The following ATP2C1 variants were observed in gnomAD, a reference collection of about 807,000 sequenced individuals.
ATP2C1 encodes calcium-transporting ATPase type 2C member 1.
A neutral mutation model predicts 120.5 loss-of-function variants in ATP2C1; 31 were observed. The observed-to-expected ratio is 0.26, with a 90% CI of 0.19 to 0.35. The LOEUF is 0.35. ATP2C1 is among the 10% of genes least tolerant of loss of function. The pLI, the probability that ATP2C1 is intolerant of heterozygous loss-of-function variation, is 1.00. For missense variants in ATP2C1, 731 were observed against 1,107.5 expected (o/e 0.66, Z 4.83); for synonymous variants, 351 against 358.7 (o/e 0.98, Z 0.24).
At chr3:131,006,628 T>C (rs2063123229), downstream of ATP2C1, among the ~76,000 whole-genome samples, 2 of 59,576 alleles carry the variant, frequency 3.4e-5, no homozygotes, top group Admixed American at 1.7e-4. Context: ...AGATTTCTAG[T>C]GTGTGTTTGT....
At chr3:130,878,720 G>T (rs565136725) in intron 1 of ATP2C1, among the ~76,000 whole-genome samples, 1 of 152,154 alleles carries the variant, frequency 6.6e-6, no homozygotes, top group East Asian at 1.9e-4. Flanking sequence ...TTCTCTCCTG[G>T]CCTATAAGGT....
rs568447850 is a variant in ATP2C1 at position 130,853,444 on chromosome 3, C to A, written c.108+2516C>A. Among the ~76,000 whole-genome samples, 5 of 152,290 alleles carry A rather than the reference C, an allele frequency of 3.3e-5. No individual in the cohort carries two copies. The South Asian group carries it at 1.0e-3, about 32-fold the overall frequency. On this transcript the variant is annotated intron_variant, in intron 1 of 26. Coordinates refer to the ATP2C1 transcript ENST00000504381. ...TAAAATCTTCTCCCACCTCACTTAGCGCTGCTAAGTACCAACCATGTTGAC... is the reference window on the plus strand; with the variant it reads ...TAAAATCTTCTCCCACCTCACTTAGAGCTGCTAAGTACCAACCATGTTGAC...
chr3:130,966,627 A>G (rs1314252333), intron 14 of ATP2C1, among the ~76,000 whole-genome samples: 1 of 152,088 alleles, frequency 6.6e-6, no homozygotes, highest in East Asian at 1.9e-4. Flanking sequence ...GACATATGAT[A>G]TAAATACCTG....
At chr3:130,884,362 G>C (rs1255125199) in intron 1 of ATP2C1, among the ~76,000 whole-genome samples, 5 of 152,214 alleles carry the variant, frequency 3.3e-5, no homozygotes, top group African/African-American at 1.2e-4. Flanking sequence ...ATTGTGGTCA[G>C]AGAAGATGCT....
At chr3:131,006,350 G>A (rs1011242490), downstream of ATP2C1, among the ~76,000 whole-genome samples, 25 of 152,158 alleles carry the variant, frequency 1.6e-4, no homozygotes, top group African/African-American at 6.0e-4. Flanking sequence ...GACCTCAGGT[G>A]ATCCATGCGC....
At position 130,894,125 on chromosome 3, in the gene ATP2C1, C is replaced by T; in HGVS notation, c.-393C>T. ...GCGGAGCCGGCCCGGCGGACCGTGACGGGTCCCCTCACCTCCTCTTCTCTC... is the reference window on the plus strand; with the variant it reads ...GCGGAGCCGGCCCGGCGGACCGTGATGGGTCCCCTCACCTCCTCTTCTCTC... On this transcript the variant is annotated 5_prime_UTR_variant, in exon 1 of 28. In the 5' UTR this introduces an upstream ATG that the reference lacks. Coordinates refer to ENST00000510168, the MANE Select transcript of ATP2C1 (RefSeq NM_001378687.1). This position sits in a 1 kb window ranked among gnomAD's most constrained non-coding sequence, Gnocchi z 4.5. 1.0e-6 allele frequency: 1 copy of T among 965,188 alleles called. No individual in the cohort carries two copies. Among genetic ancestry groups the T allele is most frequent in the Non-Finnish European group, 1.2e-6 (1 of 811,580 alleles). The allele number at this position is 965,188 out of a possible 1,614,324, so 59.8% of individuals were successfully genotyped here.
chr3:130,983,741 G>A (rs898207330), intron 20 of ATP2C1, among the ~76,000 whole-genome samples: 1 of 152,186 alleles, frequency 6.6e-6, no homozygotes, highest in African/African-American at 2.4e-5. Flanking sequence ...TTTCCAGAAT[G>A]TGTATGGTTG....
chr3:130,902,922 G>A (rs1453558600), intron 2 of ATP2C1, among the ~76,000 whole-genome samples: 1 of 151,886 alleles, frequency 6.6e-6, no homozygotes, highest in Non-Finnish European at 1.5e-5. Flanking sequence ...ATCTATTCCA[G>A]TCATAGCCTC....
chr3:130,857,788 G>T (rs559212436), intron 1 of ATP2C1, among the ~76,000 whole-genome samples: 45 of 152,296 alleles, frequency 3.0e-4, no homozygotes, highest in African/African-American at 1.1e-3. Flanking sequence ...GAGGATATTT[G>T]CATATATGAT....
chr3:130,850,824 G>T (rs1021494675), exon 1 of ATP2C1: 3 of 1,437,468 alleles, frequency 2.1e-6, no homozygotes, highest in African/African-American at 2.9e-5. Flanking sequence ...CCTCACTATG[G>T]ATAGTCTGTT....
chr3:130,958,485 G>C (rs1043215297), intron 11 of ATP2C1, among the ~76,000 whole-genome samples: 3 of 151,862 alleles, frequency 2.0e-5, no homozygotes, highest in African/African-American at 7.3e-5. Context: ...GATCTTAGAA[G>C]GTTGCTATTT....
chr3:130,999,365 A>G (rs945646935), intron 26 of ATP2C1, among the ~76,000 whole-genome samples, 153 bp from the exon 27 acceptor site: 1 of 152,222 alleles, frequency 6.6e-6, no homozygotes, highest in African/African-American at 2.4e-5. Flanking sequence ...AATTATTCCA[A>G]AACAGTAGTA....
upstream of ATP2C1, among the ~76,000 whole-genome samples, chr3:130,893,329 T>C (rs1373710596): frequency 2.0e-5 from 3 of 152,312 alleles, no homozygotes; most frequent in Middle Eastern, 3.4e-3. Flanking sequence ...CCCAGTTCCA[T>C]ATACCACAAA....
intron 18 of ATP2C1, among the ~76,000 whole-genome samples, chr3:130,978,368 C>T (rs2061617416): frequency 6.6e-6 from 1 of 152,010 alleles, no homozygotes; most frequent in Non-Finnish European, 1.5e-5. Flanking sequence ...TCAGTCTCCT[C>T]TTGACTTATT....
intron 20 of ATP2C1, among the ~76,000 whole-genome samples, chr3:130,983,525 C>T (rs573607032): frequency 1.4e-4 from 22 of 152,246 alleles, no homozygotes; most frequent in African/African-American, 5.3e-4. Context: ...TTGTGTTGTA[C>T]CTTTCTAGGG....
intron 1 of ATP2C1, among the ~76,000 whole-genome samples, chr3:130,876,542 CAG>C (rs2068610455): frequency 1.3e-5 from 2 of 152,158 alleles, no homozygotes; most frequent in South Asian, 2.1e-4. Flanking sequence ...ATTTTGAAGC[CAG>C]ATACAGTGAT....
intron 1 of ATP2C1, among the ~76,000 whole-genome samples, chr3:130,861,998 G>A (rs1286905252): frequency 6.6e-6 from 1 of 151,958 alleles, no homozygotes; most frequent in Non-Finnish European, 1.5e-5. Context: ...TTTTGAGATG[G>A]AGTTTCGCTC....
At chr3:130,896,068 A>G (rs552172170) in intron 2 of ATP2C1, among the ~76,000 whole-genome samples, 3 of 152,352 alleles carry the variant, frequency 2.0e-5, no homozygotes, top group African/African-American at 7.2e-5. Context: ...CATTCTGCAC[A>G]TGAGACAAAG....
At chr3:130,860,063 T>C (rs989948768) in intron 1 of ATP2C1, among the ~76,000 whole-genome samples, 5 of 152,336 alleles carry the variant, frequency 3.3e-5, no homozygotes, top group South Asian at 2.1e-4. Flanking sequence ...TGTGAAGAGA[T>C]AGTAGAAAGA....
Sources: allele counts gnomAD v4.1 joint callset (sites outside exome capture counted in the v4.1 genomes callset), GRCh38; gene constraint gnomAD v4.1.1; non-coding constraint Gnocchi (gnomAD v3.1); transcripts MANE v1.5; gene names NCBI Gene and HGNC (gene_info 2026-07-23, HGNC 2026-07-21).